PCDH9: variants seen among roughly 807,000 people sequenced by gnomAD.
PCDH9 encodes the protein protocadherin 9.
Under a neutral mutation model 70.6 loss-of-function variants are expected in PCDH9, and 24 were observed. The observed-to-expected ratio is 0.34, with a 90% CI of 0.25 to 0.48. PCDH9 has a LOEUF of 0.48. PCDH9 is among the 20% of genes least tolerant of loss of function. PCDH9 has a pLI of 0.99. For synonymous variants in PCDH9, 562 were observed against 558.5 expected (o/e 1.01, Z -0.09); for missense variants, 1,281 against 1,503.6 (o/e 0.85, Z 2.45).
intron 4 of PCDH9, among the ~76,000 whole-genome samples, chr13:66,492,304 T>C (rs1447752051): frequency 2.0e-5 from 3 of 151,868 alleles, no homozygotes; most frequent in Non-Finnish European, 4.4e-5. Context: ...TTGTCTTACA[T>C]AGACAGAAAT....
intron 3 of PCDH9, among the ~76,000 whole-genome samples, chr13:66,821,262 T>A (rs2139381257): frequency 6.6e-6 from 1 of 152,224 alleles, no homozygotes; most frequent in African/African-American, 2.4e-5. Context: ...CTCACTCAGA[T>A]CCTTCTTAGA....
intron 3 of PCDH9, among the ~76,000 whole-genome samples, chr13:66,851,398 ATAACT>A (rs1335121802): frequency 2.0e-5 from 3 of 152,200 alleles, no homozygotes; most frequent in Non-Finnish European, 4.4e-5. Flanking sequence ...TCAAAAAAAA[ATAACT>A]TAAAATGAAC....
Position 66,668,645 on chromosome 13 carries a change from G to T in PCDH9, c.3139-37234C>A, listed in dbSNP as rs562831329. Among the ~76,000 whole-genome samples, 7 of 152,276 alleles carry T rather than the reference G, an allele frequency of 4.6e-5. No individual in the cohort carries two copies. In the South Asian group the frequency reaches 1.4e-3, roughly 32 times the overall value. On this transcript the variant is annotated intron_variant, in intron 3 of 4. Coordinates refer to ENST00000377865, the MANE Select transcript of PCDH9 (RefSeq NM_203487.3). Reference sequence around the variant, plus strand: ...GGTGAAATATAGATGGTAATATGCAGTGGTGACCGAGAGAGCCCTCTAAAA... The same window carrying T: ...GGTGAAATATAGATGGTAATATGCATTGGTGACCGAGAGAGCCCTCTAAAA...
At chr13:66,354,194 T>G (rs913951351) in intron 4 of PCDH9, among the ~76,000 whole-genome samples, 4 of 152,182 alleles carry the variant, frequency 2.6e-5, no homozygotes, top group African/African-American at 7.2e-5. Flanking sequence ...ACAATAAGAT[T>G]AAATACAGAC....
chr13:66,864,067 A>T (rs1046848943), intron 3 of PCDH9, among the ~76,000 whole-genome samples: 1 of 152,130 alleles, frequency 6.6e-6, no homozygotes, highest in African/African-American at 2.4e-5. Flanking sequence ...GTGCGAACTC[A>T]TTACCTATCA....
chr13:67,200,231 GTTA>G (rs2089175816), intron 2 of PCDH9, among the ~76,000 whole-genome samples: 1 of 152,010 alleles, frequency 6.6e-6, no homozygotes, highest in African/African-American at 2.4e-5. Context: ...AACTGGGAGA[GTTA>G]TTTTCTATGT....
chr13:67,000,381 A>G (rs1422107380), intron 2 of PCDH9, among the ~76,000 whole-genome samples: 2 of 151,460 alleles, frequency 1.3e-5, no homozygotes, highest in Non-Finnish European at 2.9e-5. Context: ...ACCTAATGCT[A>G]AATGACGAGT....
At chr13:66,546,435 T>A (rs1961205216) in intron 4 of PCDH9, among the ~76,000 whole-genome samples, 1 of 152,034 alleles carries the variant, frequency 6.6e-6, no homozygotes, top group African/African-American at 2.4e-5. Flanking sequence ...AGAAAAAATT[T>A]AAAATAGAAA....
chr13:66,779,182 CT>C (rs368685061), intron 3 of PCDH9, among the ~76,000 whole-genome samples: 245 of 142,144 alleles, frequency 1.7e-3, no homozygotes, highest in East Asian at 9.1e-3. Context: ...AGTTCAGTGG[CT>C]TTTTTTTTTT....
intron 4 of PCDH9, among the ~76,000 whole-genome samples, chr13:66,311,638 G>T (rs151308525): frequency 4.4e-3 from 673 of 152,152 alleles, no homozygotes; most frequent in Middle Eastern, 0.017. Flanking sequence ...TTTCAAATAT[G>T]AAAGTTGGCA....
intron 4 of PCDH9, among the ~76,000 whole-genome samples, chr13:66,364,787 T>G (rs1199833499): frequency 6.6e-6 from 1 of 152,176 alleles, no homozygotes; most frequent in African/African-American, 2.4e-5. Context: ...AGGTGTGAGG[T>G]GCAGACTGAT....
chr13:67,042,728 T>A (rs762393071), intron 2 of PCDH9, among the ~76,000 whole-genome samples: 1 of 152,154 alleles, frequency 6.6e-6, no homozygotes, highest in South Asian at 2.1e-4. Context: ...AGCAATACAA[T>A]GACAAATGGT....
At chr13:66,367,178 A>G (rs969173894) in intron 4 of PCDH9, among the ~76,000 whole-genome samples, 4 of 152,132 alleles carry the variant, frequency 2.6e-5, no homozygotes, top group African/African-American at 9.7e-5. Flanking sequence ...TAGGTTATTT[A>G]TTCATTTTAT....
intron 4 of PCDH9, among the ~76,000 whole-genome samples, chr13:66,539,870 CTTTTT>C (rs57344938): frequency 6.0e-5 from 5 of 83,616 alleles, no homozygotes; most frequent in Non-Finnish European, 1.2e-4. Flanking sequence ...TCTTTTTTTC[CTTTTT>C]TTTTTTTTTT....
rs990420778 is a variant in PCDH9 at position 66,319,948 on chromosome 13, C to A, written c.3341-14920G>T. 1.2e-4 allele frequency among the ~76,000 whole-genome samples: 19 copies of A among 152,120 alleles called. 1 individual carries two copies. The highest frequency in any genetic ancestry group is 4.6e-4 in the African/African-American group (19 of 41,446). On this transcript the variant is annotated intron_variant, in intron 4 of 4. Coordinates refer to ENST00000377865, the MANE Select transcript of PCDH9 (RefSeq NM_203487.3). ...CCTCTACCATTAATGCTGACAGGCA[C>A]AATCAACTTAGAAACAATGCTTCCT...
At chr13:66,549,319 C>T (rs2138675842) in intron 4 of PCDH9, among the ~76,000 whole-genome samples, 1 of 152,016 alleles carries the variant, frequency 6.6e-6, no homozygotes, top group East Asian at 1.9e-4. Flanking sequence ...CATCAAATAG[C>T]TTGCTTTATG....
chr13:66,850,929 T>G (rs904956321), intron 3 of PCDH9, among the ~76,000 whole-genome samples: 15 of 152,224 alleles, frequency 9.9e-5, no homozygotes, highest in African/African-American at 3.6e-4. Flanking sequence ...AATAGTGTAC[T>G]TACAGACAAG....
chr13:66,677,176 C>T (rs1050340342), intron 3 of PCDH9, among the ~76,000 whole-genome samples: 5 of 151,958 alleles, frequency 3.3e-5, no homozygotes, highest in Admixed American at 3.3e-4. Flanking sequence ...AATGCCCAGA[C>T]AGCAATTTTA....
At chr13:66,979,078 C>T (rs1594340353) in intron 2 of PCDH9, among the ~76,000 whole-genome samples, 1 of 152,062 alleles carries the variant, frequency 6.6e-6, no homozygotes. Context: ...AAAGACATGA[C>T]GTTTTGTTTT....
Sources: allele counts gnomAD v4.1 joint callset (sites outside exome capture counted in the v4.1 genomes callset), GRCh38; gene constraint gnomAD v4.1.1; transcripts MANE v1.5; gene names NCBI Gene and HGNC (gene_info 2026-07-23, HGNC 2026-07-21).